The following RERE variants were observed in gnomAD, a reference collection of about 807,000 sequenced individuals.
RERE encodes arginine-glutamic acid dipeptide repeats protein.
RERE carries 40 observed loss-of-function variants against 146.1 expected under a neutral mutation model. That is an observed-to-expected ratio of 0.27 (90% CI 0.21 to 0.36). RERE has a LOEUF of 0.36. Ranked by LOEUF, RERE falls within the 10% of genes least tolerant of loss-of-function variation. RERE has a pLI of 1.00. For missense variants in RERE, 1,933 were observed against 2,138.7 expected (o/e 0.90, Z 1.90); for synonymous variants, 1,003 against 866.0 (o/e 1.16, Z -2.78).
intron 21 of RERE, 139 bp downstream of exon 21, chr1:8,355,961 G>T: frequency 2.3e-6 from 2 of 885,354 alleles, no homozygotes; most frequent in Non-Finnish European, 3.3e-6. Context: ...GTTCCCCCAC[G>T]GACCCCCTGC....
chr1:8,366,003 G>T lies in RERE; in HGVS notation c.1285-29C>A, dbSNP rs377634554. 5 of 1,608,874 alleles carry T rather than the reference G, an allele frequency of 3.1e-6. No individual in the cohort carries two copies. In the African/African-American group the frequency reaches 5.3e-5, roughly 17 times the overall value. The stretch of plus-strand genomic sequence containing the variant: ...CAGAAGAGAAGGGCTGACTGTGGGG[G>T]AGGGCCTGGGGCTTTTCCGTGCCCC... On this transcript the variant is annotated intron_variant, in intron 12 of 22. Coordinates refer to ENST00000400908, the MANE Select transcript of RERE (RefSeq NM_001042681.2).
chr1:8,650,033 G>T (rs1454748747), intron 2 of RERE, among the ~76,000 whole-genome samples: 1 of 152,134 alleles, frequency 6.6e-6, no homozygotes, highest in African/African-American at 2.4e-5. Context: ...GAGACGAGAA[G>T]AGCAAGTGCA....
At chr1:8,726,573 CT>C (rs1639973798) in intron 1 of RERE, among the ~76,000 whole-genome samples, 1 of 152,206 alleles carries the variant, frequency 6.6e-6, no homozygotes, top group African/African-American at 2.4e-5. Flanking sequence ...CTTTCCAAAA[CT>C]CACATTTCTA....
chr1:8,568,371 G>A (rs1201815704), intron 4 of RERE, among the ~76,000 whole-genome samples: 1 of 152,182 alleles, frequency 6.6e-6, no homozygotes, highest in African/African-American at 2.4e-5. Flanking sequence ...CGCATCTCCA[G>A]CTTGCAGATG....
At chr1:8,718,699 T>C (rs1639806564) in intron 1 of RERE, among the ~76,000 whole-genome samples, 1 of 152,170 alleles carries the variant, frequency 6.6e-6, no homozygotes, top group Non-Finnish European at 1.5e-5. Flanking sequence ...TTTAGCCTAG[T>C]GGTAAAGGTC....
chr1:8,784,804 T>C (rs1373741869), intron 1 of RERE, among the ~76,000 whole-genome samples: 3 of 152,182 alleles, frequency 2.0e-5, no homozygotes, highest in Non-Finnish European at 4.4e-5. Context: ...TTAAATTTCA[T>C]ACTCCCAAAA....
intron 1 of RERE, among the ~76,000 whole-genome samples, chr1:8,696,228 C>T (rs1442211954): frequency 6.6e-6 from 1 of 152,198 alleles, no homozygotes; most frequent in Non-Finnish European, 1.5e-5. Flanking sequence ...ACCAAAAATA[C>T]ACATGCACTC....
At chr1:8,655,241 C>T (rs1557460904) in intron 2 of RERE, among the ~76,000 whole-genome samples, 1 of 151,142 alleles carries the variant, frequency 6.6e-6, no homozygotes, top group Non-Finnish European at 1.5e-5. Flanking sequence ...GAGACTCGCT[C>T]TGTTGCCCAG....
chr1:8,689,106 ATTT>A (rs143138261), intron 1 of RERE, among the ~76,000 whole-genome samples: 1 of 150,194 alleles, frequency 6.7e-6, no homozygotes, highest in Non-Finnish European at 1.5e-5. Flanking sequence ...TAAAAATTTG[ATTT>A]TTTTTTTAGT....
intron 1 of RERE, among the ~76,000 whole-genome samples, chr1:8,674,674 C>T (rs139354912): frequency 6.8e-4 from 104 of 152,290 alleles, no homozygotes; most frequent in South Asian, 2.7e-3. Context: ...AGTCAAGTGC[C>T]CCAATGTTGA....
At chr1:8,574,231 G>A (rs12122851) in intron 4 of RERE, among the ~76,000 whole-genome samples, 30,536 of 151,866 alleles carry the variant, frequency 0.2, 3,115 homozygotes, top group Middle Eastern at 0.29. Context: ...GTATTTCCCA[G>A]GTACTCCTTT....
At chr1:8,622,679 G>C (rs1646930888) in intron 3 of RERE, among the ~76,000 whole-genome samples, 1 of 152,066 alleles carries the variant, frequency 6.6e-6, no homozygotes, top group Non-Finnish European at 1.5e-5. Flanking sequence ...ATCAAGAATA[G>C]ATCCATCTTA....
chr1:8,606,727 T>C (rs1434822991), intron 4 of RERE, among the ~76,000 whole-genome samples: 1 of 152,184 alleles, frequency 6.6e-6, no homozygotes, highest in Non-Finnish European at 1.5e-5. Flanking sequence ...AGGTTACTAG[T>C]TCCTAAAAAA....
chr1:8,672,646 C>T (rs1038727036), intron 1 of RERE, among the ~76,000 whole-genome samples: 5 of 152,158 alleles, frequency 3.3e-5, no homozygotes, highest in East Asian at 3.8e-4. Context: ...CAAAGAATGG[C>T]GCATACCTTC....
In RERE at chr1:8,457,925, A is replaced by G. The variant is rs144838947; in HGVS notation, c.1203+8000T>C. On this transcript the variant is annotated intron_variant, in intron 11 of 22. Coordinates refer to ENST00000400908, the MANE Select transcript of RERE (RefSeq NM_001042681.2). Reference sequence around the variant, plus strand: ...CTAAGGGAGACTTTAGATTTAAGACAGAAGTATGCCAGGAGAGAGGAGGTA... The same window carrying G: ...CTAAGGGAGACTTTAGATTTAAGACGGAAGTATGCCAGGAGAGAGGAGGTA... Among the ~76,000 whole-genome samples, 4 of 152,244 alleles carry G rather than the reference A, an allele frequency of 2.6e-5. No individual in the cohort carries two copies. The East Asian group carries it at 7.7e-4, about 29-fold the overall frequency.
Position 8,622,485 on chromosome 1 carries a change from TTAAAA to T in RERE, c.396+1820_396+1824del, listed in dbSNP as rs1214921093. Among the ~76,000 whole-genome samples, 16 of 69,420 alleles carry T rather than the reference TTAAAA, an allele frequency of 2.3e-4. No homozygotes were observed. In the South Asian group the frequency reaches 3.3e-3, roughly 14 times the overall value. 45.5% of individuals were successfully genotyped at this position (69,420 alleles called of 152,430 possible). ...TTTCAGGTGTCAGTGCTGTATCTGT[TTAAAA>T]AAAAAAAAAAAAAAAAAAAAACACA... On this transcript the variant is annotated intron_variant, in intron 3 of 22. Coordinates refer to ENST00000400908, the MANE Select transcript of RERE (RefSeq NM_001042681.2).
In RERE at chr1:8,369,508, T is replaced by TAAAAA. The variant is rs1186718390; in HGVS notation, c.1285-3539_1285-3535dup. On this transcript the variant is annotated intron_variant, in intron 12 of 22. Coordinates refer to ENST00000400908, the MANE Select transcript of RERE (RefSeq NM_001042681.2). Reference sequence around the variant, plus strand: ...ATCGAATAAATCTTTCGCCTTTTACTAAAAAAAAAAAAAAAAAAAAAAAAA... The same window carrying TAAAAA: ...ATCGAATAAATCTTTCGCCTTTTACTAAAAAAAAAAAAAAAAAAAAAAAAAAAAAA... Among the ~76,000 whole-genome samples the TAAAAA allele has an allele frequency of 1.2e-3, 95 of 76,862 alleles. 1 individual carries two copies. Among genetic ancestry groups the TAAAAA allele is most frequent in the African/African-American group, 2.1e-3 (49 of 23,632 alleles). The allele number at this position is 76,862 out of a possible 152,430, so 50.4% of individuals were successfully genotyped here. A position where few individuals can be genotyped will look rare whatever the true frequency, so the allele number is the denominator to read the frequency against.
At chr1:8,380,640 C>G (rs187120254) in intron 12 of RERE, 136 of 361,084 alleles carry the variant, frequency 3.8e-4, no homozygotes, top group African/African-American at 2.7e-3. Context: ...AGCCACCAAG[C>G]CTGGCCCATC....
At chr1:8,514,258 CCA>C (rs1344738130) in intron 7 of RERE, among the ~76,000 whole-genome samples, 2 of 152,196 alleles carry the variant, frequency 1.3e-5, no homozygotes, top group Non-Finnish European at 2.9e-5. Context: ...GTCTGAATGA[CCA>C]CAGTTTGTCT....
Sources: allele counts gnomAD v4.1 joint callset (sites outside exome capture counted in the v4.1 genomes callset), GRCh38; gene constraint gnomAD v4.1.1; transcripts MANE v1.5; gene names NCBI Gene and HGNC (gene_info 2026-07-23, HGNC 2026-07-21).